Variants in ARSK observed in about 807,000 individuals in gnomAD.
The protein encoded by ARSK is arylsulfatase K.
A neutral mutation model predicts 53.2 loss-of-function variants in ARSK; 37 were observed. The observed-to-expected ratio is 0.70, with a 90% CI of 0.54 to 0.92. The LOEUF is 0.92. ARSK is among the 40% of genes least tolerant of loss of function. The pLI, the probability that ARSK is intolerant of heterozygous loss-of-function variation, is 0.00. For synonymous variants in ARSK, 208 were observed against 223.2 expected (o/e 0.93, Z 0.61); for missense variants, 613 against 643.0 (o/e 0.95, Z 0.51).
rs73147974 is a variant in ARSK at position 95,599,493 on chromosome 5, T to C, written c.1097-1354T>C. Among the ~76,000 whole-genome samples the C allele has an allele frequency of 7.0e-3, 1,065 of 152,288 alleles. 12 individuals are homozygous for C. The highest frequency in any genetic ancestry group is 0.024 in the African/African-American group (1,002 of 41,550). On this transcript the variant is annotated intron_variant, in intron 6 of 7. Transcript: ENST00000380009. ...TCTTCCCTCACAGCCTTCTTTCCAC[T>C]GCTTACAGTAGGTAGTCTCTGTGTC...
In ARSK at chr5:95,591,522, G is replaced by A. The variant is rs1749216151; in HGVS notation, c.993G>A (p.Glu331=). 1 of 1,614,016 alleles carries A rather than the reference G, an allele frequency of 6.2e-7. No individual in the cohort carries two copies. The highest frequency in any genetic ancestry group is 1.3e-5 in the African/African-American group (1 of 74,910). Residue 331 remains glutamate, a synonymous_variant, in exon 6 of 8, where the codon GAG becomes GAA. Coordinates refer to ENST00000380009, the MANE Select transcript of ARSK (RefSeq NM_198150.3). ...HRQFYKMSMY[E]ASAHVPLLMM... is the part of the protein sequence containing the mutation. ...AGTTTTATAAAATGAGCATGTACGAGGCTAGTGCACATGTTCCGCTTTTGA... is the reference window on the plus strand; with the variant it reads ...AGTTTTATAAAATGAGCATGTACGAAGCTAGTGCACATGTTCCGCTTTTGA...
At chr5:95,582,818 A>G (rs1056035014) in intron 3 of ARSK, 98 bp from the exon 4 acceptor site, 3 of 1,205,568 alleles carry the variant, frequency 2.5e-6, no homozygotes, top group Non-Finnish European at 3.4e-6. Context: ...GACTGAGTCT[A>G]AAAATTGTTT....
chr5:95,560,005 A>G (rs80136643), intron 1 of ARSK, among the ~76,000 whole-genome samples: 9,624 of 152,316 alleles, frequency 0.063, 349 homozygotes, highest in Middle Eastern at 0.1. Context: ...AGATCAGTGT[A>G]CAAAAATAAA....
chr5:95,596,722 G>A (rs1401334383), intron 6 of ARSK, among the ~76,000 whole-genome samples: 1 of 151,970 alleles, frequency 6.6e-6, no homozygotes, highest in African/African-American at 2.4e-5. Context: ...AACTGAATAA[G>A]AAAAACCAAC....
Position 95,603,512 on chromosome 5 carries a change from C to T in ARSK, c.1597C>T (p.Pro533Ser). 1 of 1,593,502 alleles carries T rather than the reference C, an allele frequency of 6.3e-7. No individual in the cohort carries two copies. The highest frequency in any genetic ancestry group is 8.5e-7 in the Non-Finnish European group (1 of 1,172,684). ...TCAGTGGCTTAAAACCCATATGAATCCAAGAGCAGTTTGAACAAAAAGTTT... is the reference window on the plus strand; with the variant it reads ...TCAGTGGCTTAAAACCCATATGAATTCAAGAGCAGTTTGAACAAAAAGTTT... ...IDQWLKTHMN[P>S]RAV The change falls in exon 8 of 8, where the codon CCA (proline) becomes TCA (serine). Residue 533 changes from proline (P) to serine (S), a missense_variant. Transcript: ENST00000380009.
chr5:95,577,050 T>C (rs187910938), intron 3 of ARSK, among the ~76,000 whole-genome samples: 1 of 152,330 alleles, frequency 6.6e-6, no homozygotes, highest in African/African-American at 2.4e-5. Flanking sequence ...TCCTACATAA[T>C]GTGGCCAACT....
intron 1 of ARSK, among the ~76,000 whole-genome samples, chr5:95,561,066 C>T (rs1188067395): frequency 6.6e-6 from 1 of 152,166 alleles, no homozygotes; most frequent in Non-Finnish European, 1.5e-5. Context: ...GCCTAGGCCT[C>T]CCAAAGTGCT....
chr5:95,556,061 A>G lies in ARSK; in HGVS notation c.126+657A>G, dbSNP rs180983339. On this transcript the variant is annotated intron_variant, in intron 1 of 7. Transcript: ENST00000380009. ...CTTTTAGGATGATCCATGTTTTAAAAAGTGCTGCTTAGACAATTGTTTGGT... is the reference window on the plus strand; with the variant it reads ...CTTTTAGGATGATCCATGTTTTAAAGAGTGCTGCTTAGACAATTGTTTGGT... 293 of 599,444 alleles carry G rather than the reference A, an allele frequency of 4.9e-4. No homozygotes were observed. The African/African-American group carries it at 5.0e-3, about 10-fold the overall frequency. 37.1% of individuals were successfully genotyped at this position (599,444 alleles called of 1,614,324 possible).
chr5:95,575,627 ACTTT>A (rs1290772637), intron 3 of ARSK, among the ~76,000 whole-genome samples: 1 of 152,056 alleles, frequency 6.6e-6, no homozygotes, highest in Non-Finnish European at 1.5e-5. Context: ...TGTAGCGGTT[ACTTT>A]CTTCATTTCT....
intron 6 of ARSK, among the ~76,000 whole-genome samples, chr5:95,594,843 C>A (rs367713959): frequency 1.3e-3 from 179 of 141,560 alleles, no homozygotes; most frequent in East Asian, 1.9e-3. Flanking sequence ...ACGTCTCAAA[C>A]AAAAAAAAAA....
chr5:95,600,126 T>C (rs977762898), intron 6 of ARSK, among the ~76,000 whole-genome samples: 7 of 152,240 alleles, frequency 4.6e-5, no homozygotes, highest in Non-Finnish European at 7.3e-5. Flanking sequence ...TGTTGTTCTA[T>C]ATGTCTACAT....
At position 95,557,741 on chromosome 5, in the gene ARSK, T is replaced by G. The variant is rs538096419; in HGVS notation, c.126+2337T>G. Among the ~76,000 whole-genome samples, 5 of 152,354 alleles carry G rather than the reference T, an allele frequency of 3.3e-5. No homozygotes were observed. The East Asian group carries it at 9.6e-4, about 29-fold the overall frequency. ...TAGAGCAGTTAAGCTGGATAATAATTGTAGGAAGAAAATAGCAAATTGGTT... is the reference window on the plus strand; with the variant it reads ...TAGAGCAGTTAAGCTGGATAATAATGGTAGGAAGAAAATAGCAAATTGGTT... On this transcript the variant is annotated intron_variant, in intron 1 of 7. Transcript: ENST00000380009.
chr5:95,603,221 A>AT lies in ARSK; in HGVS notation c.1322-8dup, dbSNP rs530854818. 9.8e-6 allele frequency: 15 copies of AT among 1,526,424 alleles called. No individual in the cohort carries two copies. Among genetic ancestry groups the AT allele is most frequent in the South Asian group, 4.0e-5 (3 of 74,764 alleles). 94.6% of individuals were successfully genotyped at this position (1,526,424 alleles called of 1,614,324 possible). ...CAGGTCACTATTTTGACAGATACTT[A>AT]TTTTTTTTCTTTCAGATCTTTCCTC... is the stretch of plus-strand genomic sequence containing the variant. On this transcript the variant is annotated splice_polypyrimidine_tract_variant and intron_variant, in intron 7 of 7. Coordinates refer to ENST00000380009, the MANE Select transcript of ARSK (RefSeq NM_198150.3).
At chr5:95,575,102 T>C (rs1041614653) in intron 3 of ARSK, among the ~76,000 whole-genome samples, 1 of 152,210 alleles carries the variant, frequency 6.6e-6, no homozygotes, top group Non-Finnish European at 1.5e-5. Flanking sequence ...GAAGAGACTG[T>C]TCCTTCCCCA....
chr5:95,563,284 G>A (rs1748671619), intron 1 of ARSK, among the ~76,000 whole-genome samples: 1 of 152,092 alleles, frequency 6.6e-6, no homozygotes, highest in African/African-American at 2.4e-5. Flanking sequence ...CAATTGATAT[G>A]CTTAATCCAG....
chr5:95,575,484 T>C (rs989438532), intron 3 of ARSK, among the ~76,000 whole-genome samples: 5 of 152,220 alleles, frequency 3.3e-5, no homozygotes, highest in African/African-American at 1.2e-4. Context: ...ATTTTAACAA[T>C]ATTGATTCTT....
chr5:95,555,522 C>G lies in ARSK; in HGVS notation c.126+118C>G. On this transcript the variant is annotated intron_variant, in intron 1 of 7. Coordinates refer to ENST00000380009, the MANE Select transcript of ARSK (RefSeq NM_198150.3). The surrounding 1 kb of genome is among the most constrained non-coding windows in gnomAD (Gnocchi z 4.0). Reference sequence around the variant, plus strand: ...GAGACATTTTCAAACACCTTTTACCCCGATGCAAAGAAAGAAATACATTTT... The same window carrying G: ...GAGACATTTTCAAACACCTTTTACCGCGATGCAAAGAAAGAAATACATTTT... 3.6e-6 allele frequency: 4 copies of G among 1,110,904 alleles called. No individual in the cohort carries two copies. The highest frequency in any genetic ancestry group is 4.9e-6 in the Non-Finnish European group (4 of 817,026). The allele number at this position is 1,110,904 out of a possible 1,614,324, so 68.8% of individuals were successfully genotyped here.
At chr5:95,594,931 C>T (rs891505758) in intron 6 of ARSK, among the ~76,000 whole-genome samples, 4 of 152,002 alleles carry the variant, frequency 2.6e-5, no homozygotes, top group African/African-American at 7.2e-5. Flanking sequence ...GCAAATGTGA[C>T]GTTACATTTC....
rs1478829084 is a variant in ARSK, at chr5:95,583,071, C to T, written c.572C>T (p.Ala191Val). The T allele has an allele frequency of 6.2e-7, 1 of 1,613,594 alleles. No individual in the cohort carries two copies. Among genetic ancestry groups the T allele is most frequent in the Non-Finnish European group, 8.5e-7 (1 of 1,179,724 alleles). The change falls in exon 4 of 8, where the codon GCA (alanine) becomes GTA (valine). Residue 191 changes from alanine (A) to valine (V), a missense_variant. Transcript: ENST00000380009. ...DKAVNWLRKEAINYTEPFVIY... is the reference protein window; with the variant it reads ...DKAVNWLRKEVINYTEPFVIY... ...GCAGTAAACTGGTTAAGAAAGGAAG[C>T]AATTAATTACACTGAACCATTTGTT... is the stretch of plus-strand genomic sequence containing the variant.
Sources: allele counts gnomAD v4.1 joint callset (sites outside exome capture counted in the v4.1 genomes callset), GRCh38; gene constraint gnomAD v4.1.1; non-coding constraint Gnocchi (gnomAD v3.1); transcripts MANE v1.5; gene names NCBI Gene and HGNC (gene_info 2026-07-23, HGNC 2026-07-21).